KHDRBS2: variants seen among roughly 807,000 people sequenced by gnomAD.
KHDRBS2 encodes KH domain-containing, RNA-binding, signal transduction-associated protein 2.
Under a neutral mutation model 44.3 loss-of-function variants are expected in KHDRBS2, and 26 were observed. The ratio of observed to expected loss-of-function variants is 0.59; its 90% CI spans 0.43 to 0.81. The LOEUF (loss-of-function observed/expected upper bound fraction) is 0.81, where lower values mean the gene tolerates loss of function less well. KHDRBS2 is among the 40% of genes least tolerant of loss of function. KHDRBS2 has a pLI of 0.00. For synonymous variants in KHDRBS2, 194 were observed against 151.1 expected (o/e 1.28, Z -2.08); for missense variants, 476 against 433.1 (o/e 1.10, Z -0.88).
chr6:62,138,809 G>T (rs1812126408), intron 2 of KHDRBS2, among the ~76,000 whole-genome samples: 1 of 152,142 alleles, frequency 6.6e-6, no homozygotes, highest in Non-Finnish European at 1.5e-5. Flanking sequence ...TATATGTGTT[G>T]CTATTATAAC....
At chr6:61,632,874 A>G in the KHDRBS2 span, among the ~76,000 whole-genome samples, 2 of 152,138 alleles carry the variant, frequency 1.3e-5, no homozygotes, top group Admixed American at 1.3e-4. Context: ...AATATAAATG[A>G]AAATTAATAT....
chr6:62,222,042 T>C (rs1830982480), intron 1 of KHDRBS2, among the ~76,000 whole-genome samples: 1 of 152,216 alleles, frequency 6.6e-6, no homozygotes, highest in South Asian at 2.1e-4. Context: ...TTAAGACATG[T>C]AATTCTCCAT....
chr6:62,162,154 T>C (rs1817785620), intron 2 of KHDRBS2, among the ~76,000 whole-genome samples: 1 of 152,044 alleles, frequency 6.6e-6, no homozygotes, highest in African/African-American at 2.4e-5. Flanking sequence ...TTATAATTGC[T>C]CTTTATTTAC....
chr6:61,570,748 G>A, the KHDRBS2 span, among the ~76,000 whole-genome samples: 3 of 152,080 alleles, frequency 2.0e-5, no homozygotes, highest in Admixed American at 6.6e-5. Flanking sequence ...AGCTCAGAAG[G>A]GATTGGGGTC....
At chr6:62,134,665 A>G (rs1285578741) in intron 2 of KHDRBS2, among the ~76,000 whole-genome samples, 1 of 152,138 alleles carries the variant, frequency 6.6e-6, no homozygotes, top group East Asian at 1.9e-4. Flanking sequence ...GAGGAAGACT[A>G]TACCCTGCAA....
rs1041811487 is a variant in KHDRBS2, at chr6:61,706,182, T to C, written c.894-8929A>G. 4.0e-5 allele frequency among the ~76,000 whole-genome samples: 6 copies of C among 151,832 alleles called. No homozygotes were observed. In the South Asian group the frequency reaches 8.3e-4, roughly 21 times the overall value. ...TCACCACCCAGCCCTCCCTGTGTAC[T>C]CTCCCTTTCACTACGCTTTCTACTT... On this transcript the variant is annotated intron_variant, in intron 7 of 8. Coordinates refer to ENST00000281156, the MANE Select transcript of KHDRBS2 (RefSeq NM_152688.4).
chr6:61,563,963 C>A, the KHDRBS2 span, among the ~76,000 whole-genome samples: 1 of 152,028 alleles, frequency 6.6e-6, no homozygotes, highest in Admixed American at 6.6e-5. Context: ...TGACCTTGGA[C>A]AGTTTATTAG....
chr6:61,606,112 G>A, the KHDRBS2 span, among the ~76,000 whole-genome samples: 3 of 152,072 alleles, frequency 2.0e-5, no homozygotes, highest in Admixed American at 2.0e-4. Flanking sequence ...CCCTTTGACT[G>A]TAATTTTCCA....
intron 1 of KHDRBS2, among the ~76,000 whole-genome samples, chr6:62,247,198 C>A (rs1835722923): frequency 6.6e-6 from 1 of 151,928 alleles, no homozygotes; most frequent in South Asian, 2.1e-4. Context: ...AGTTTAAGTT[C>A]TATTTCCAGA....
At chr6:61,619,015 A>C in the KHDRBS2 span, among the ~76,000 whole-genome samples, 1 of 152,244 alleles carries the variant, frequency 6.6e-6, no homozygotes, top group Non-Finnish European at 1.5e-5. Context: ...CACATTGAAC[A>C]AAACATTTTC....
intron 3 of KHDRBS2, among the ~76,000 whole-genome samples, chr6:62,000,469 A>G (rs188548649): frequency 6.6e-6 from 1 of 152,222 alleles, no homozygotes; most frequent in African/African-American, 2.4e-5. Context: ...CAACAATGAG[A>G]TCTACAATTA....
At chr6:61,906,823 A>G (rs1805116699) in intron 4 of KHDRBS2, among the ~76,000 whole-genome samples, 1 of 152,036 alleles carries the variant, frequency 6.6e-6, no homozygotes, top group Non-Finnish European at 1.5e-5. Context: ...GCTGATTCCA[A>G]ACATTGGCTA....
intron 6 of KHDRBS2, among the ~76,000 whole-genome samples, chr6:61,846,603 G>GATTAGTAAAT (rs1391577523): frequency 6.6e-6 from 1 of 152,066 alleles, no homozygotes. Context: ...TAAATGATTT[G>GATTAGTAAAT]CAAATACAAA....
chr6:62,208,799 T>C (rs934396671), intron 1 of KHDRBS2, among the ~76,000 whole-genome samples: 2 of 152,230 alleles, frequency 1.3e-5, no homozygotes, highest in Non-Finnish European at 2.9e-5. Context: ...TGGTATCTGA[T>C]AGTGGTTTCA....
At chr6:61,557,095 C>A in the KHDRBS2 span, among the ~76,000 whole-genome samples, 2 of 152,004 alleles carry the variant, frequency 1.3e-5, no homozygotes, top group South Asian at 2.1e-4. Flanking sequence ...CCCTCATGTA[C>A]CACCTGAAAT....
chr6:61,922,937 A>G (rs1262499171), intron 4 of KHDRBS2, among the ~76,000 whole-genome samples: 1 of 152,156 alleles, frequency 6.6e-6, no homozygotes, highest in African/African-American at 2.4e-5. Flanking sequence ...GTAAAATATG[A>G]TACATAACAA....
At chr6:61,692,690 G>T (rs1767500214) in intron 8 of KHDRBS2, among the ~76,000 whole-genome samples, 1 of 152,108 alleles carries the variant, frequency 6.6e-6, no homozygotes, top group Non-Finnish European at 1.5e-5. Context: ...TTTTATTTCT[G>T]CTGGCTTATT....
the KHDRBS2 span, among the ~76,000 whole-genome samples, chr6:61,563,773 A>G: frequency 6.6e-6 from 1 of 152,138 alleles, no homozygotes; most frequent in Non-Finnish European, 1.5e-5. Flanking sequence ...CTAGTCATAG[A>G]AAGTACATTA....
the KHDRBS2 span, among the ~76,000 whole-genome samples, chr6:61,664,493 G>T: frequency 1.4e-3 from 214 of 151,802 alleles, no homozygotes; most frequent in Middle Eastern, 6.8e-3. Context: ...TGGAAAACAG[G>T]CATCCTTTAA....
Sources: gnomAD v4.1 joint callset for allele counts (sites outside exome capture counted in the v4.1 genomes callset) on GRCh38, gnomAD v4.1.1 for gene constraint, MANE v1.5 for transcripts, NCBI Gene and HGNC (gene_info 2026-07-23, HGNC 2026-07-21) for gene names.